The following C7 variants were observed in gnomAD, a reference collection of about 807,000 sequenced individuals.
C7 encodes complement component C7.
In C7, 83 loss-of-function variants were observed where a neutral mutation model predicts 104.8. The ratio of observed to expected loss-of-function variants is 0.79; its 90% confidence interval spans 0.66 to 0.95. The LOEUF (loss-of-function observed/expected upper bound fraction) is 0.95, where lower values mean the gene tolerates loss of function less well. Ranked by LOEUF, C7 falls within the 40% of genes least tolerant of loss-of-function variation. The probability of loss-of-function intolerance (pLI) is 0.00; values close to 1 mark genes in which losing one functional copy is unlikely to be tolerated. For synonymous variants in C7, 415 were observed against 360.6 expected, an observed-to-expected ratio of 1.15 and a Z score of -1.71; for missense variants, 1,070 against 1,011.2, an observed-to-expected ratio of 1.06 and a Z score of -0.79.
At chr5:40,964,051 T>TTTTTTTG (rs1405498037) in intron 13 of C7, among the ~76,000 whole-genome samples, 1 of 87,950 alleles carries the variant, frequency 1.1e-5, no homozygotes, top group Non-Finnish European at 2.2e-5. Context: ...TTTTTTTTTT[T>TTTTTTTG]AGAGAGAGAG....
At chr5:40,954,938 A>C in intron 9 of C7, 1 of 240,772 alleles carries the variant, frequency 4.2e-6, no homozygotes, top group Non-Finnish European at 8.0e-6. Flanking sequence ...AATATAGCTT[A>C]GTTTTTAGAA....
chr5:40,931,350 T>C (rs538057084), intron 3 of C7, among the ~76,000 whole-genome samples: 1 of 152,360 alleles, frequency 6.6e-6, no homozygotes, highest in Non-Finnish European at 1.5e-5. Context: ...AACTTGTATA[T>C]TCATTTTTCT....
chr5:40,924,515 C>G (rs1245676380), intron 1 of C7, among the ~76,000 whole-genome samples: 1 of 152,210 alleles, frequency 6.6e-6, no homozygotes, highest in South Asian at 2.1e-4. Flanking sequence ...CACTAATTCA[C>G]TAGGCAGTAC....
At chr5:40,957,929 G>T (rs76966755) in intron 10 of C7, 104 bp from the exon 11 acceptor site, 5 of 668,684 alleles carry the variant, frequency 7.5e-6, no homozygotes, top group South Asian at 2.8e-5. Context: ...AAACTTGCCC[G>T]TGGCTTTTGA....
At chr5:40,939,623 A>G (rs1381706564) in intron 6 of C7, among the ~76,000 whole-genome samples, 1 of 152,244 alleles carries the variant, frequency 6.6e-6, no homozygotes, top group Non-Finnish European at 1.5e-5. Flanking sequence ...TAAGACAGGC[A>G]TATACAGATA....
chr5:40,924,935 C>T (rs558472461), intron 1 of C7, among the ~76,000 whole-genome samples: 1 of 152,204 alleles, frequency 6.6e-6, no homozygotes, highest in Non-Finnish European at 1.5e-5. Context: ...GGGGCTGCCT[C>T]AAAGATCTCT....
intron 7 of C7, among the ~76,000 whole-genome samples, chr5:40,945,846 A>G (rs1273734962): frequency 3.4e-5 from 5 of 147,644 alleles, no homozygotes; most frequent in Non-Finnish European, 6.0e-5. Flanking sequence ...CCTGGGCAAC[A>G]GAGTGAGACC....
intron 9 of C7, among the ~76,000 whole-genome samples, chr5:40,953,003 T>C (rs1740207088): frequency 6.6e-6 from 1 of 152,068 alleles, no homozygotes; most frequent in African/African-American, 2.4e-5. Flanking sequence ...ACTCATTCTC[T>C]CAGATATTCT....
chr5:40,964,799 A>G lies in C7; in HGVS notation c.1808A>G (p.Tyr603Cys). The G allele has an allele frequency of 1.9e-6, 3 of 1,613,040 alleles. No individual in the cohort carries two copies. The highest frequency in any genetic ancestry group is 2.5e-6 in the Non-Finnish European group (3 of 1,179,204). The change falls in exon 14 of 18, where the codon TAC becomes TGC. Residue 603 changes from tyrosine (Y) to cysteine (C), a missense_variant. By Grantham distance (194) the Tyr-to-Cys change is radical. Coordinates refer to ENST00000313164, the MANE Select transcript of C7 (RefSeq NM_000587.4). ...KNVVYTCNEG[Y>C]SLIGNPVARC... ...GTAGTGTACACTTGCAATGAAGGATACTCTCTTATTGGAAACCCAGTGGCC... is the reference window on the plus strand; with the variant it reads ...GTAGTGTACACTTGCAATGAAGGATGCTCTCTTATTGGAAACCCAGTGGCC...
intron 1 of C7, among the ~76,000 whole-genome samples, chr5:40,915,772 A>C (rs1027217399): frequency 6.6e-6 from 1 of 152,192 alleles, no homozygotes; most frequent in African/African-American, 2.4e-5. Context: ...ATAGGCTTAA[A>C]CATTTTTAGA....
At chr5:40,961,387 CTTCT>C (rs1487255996) in intron 12 of C7, among the ~76,000 whole-genome samples, 1 of 140,164 alleles carries the variant, frequency 7.1e-6, no homozygotes, top group African/African-American at 2.7e-5. Context: ...TAATTACCTT[CTTCT>C]TTTTTTTTTT....
chr5:40,973,062 T>C (rs1195008494), intron 15 of C7, among the ~76,000 whole-genome samples: 1 of 152,234 alleles, frequency 6.6e-6, no homozygotes, highest in Non-Finnish European at 1.5e-5. Context: ...CATTTTCATT[T>C]AACACTTTAA....
rs1740830839 is a variant in C7, at chr5:40,976,860, A to T, written c.2165+20A>T. The T allele has an allele frequency of 6.5e-7, 1 of 1,543,328 alleles. No individual in the cohort carries two copies. Among genetic ancestry groups the T allele is most frequent in the African/African-American group, 1.4e-5 (1 of 73,142 alleles). On this transcript the variant is annotated intron_variant, in intron 16 of 17. Transcript: ENST00000313164. ...ATGTGGGTAAGTGCCGCCTTTGCTC[A>T]TTTCTCTGTTTTATTTTATTAATGA...
intron 4 of C7, among the ~76,000 whole-genome samples, chr5:40,935,113 C>G (rs1739785349): frequency 6.6e-6 from 1 of 152,148 alleles, no homozygotes; most frequent in South Asian, 2.1e-4. Context: ...AGAAGTGCTC[C>G]TCAGTGATAC....
intron 7 of C7, among the ~76,000 whole-genome samples, chr5:40,947,098 T>G (rs1317931326): frequency 8.4e-4 from 22 of 26,254 alleles, no homozygotes; most frequent in Middle Eastern, 0.022. Flanking sequence ...ATTACTCAGA[T>G]TTTTTTTTTT....
At chr5:40,933,775 C>T (rs938352492) in intron 3 of C7, among the ~76,000 whole-genome samples, 6 of 152,160 alleles carry the variant, frequency 3.9e-5, no homozygotes, top group African/African-American at 1.2e-4. Flanking sequence ...TCATCTTAAC[C>T]CCTTTCCCAG....
intron 4 of C7, among the ~76,000 whole-genome samples, chr5:40,935,727 A>T (rs1172659736): frequency 1.3e-5 from 2 of 152,122 alleles, no homozygotes; most frequent in African/African-American, 2.4e-5. Flanking sequence ...CAGGAACTAG[A>T]TCATCTGGTA....
At chr5:40,981,159 A>T (rs190218409) in intron 17 of C7, among the ~76,000 whole-genome samples, 4 of 152,300 alleles carry the variant, frequency 2.6e-5, no homozygotes, top group African/African-American at 9.6e-5. Flanking sequence ...AAACCACCCC[A>T]TGTGGTCTAA....
At position 40,949,882 on chromosome 5, in the gene C7, T is replaced by G. The variant is rs756601853; in HGVS notation, c.983-22T>G. ...AAGGAATGCAGAAATTAAACATGTC[T>G]CTTTTACATTTTCTCCCCTAGATTT... is the stretch of plus-strand genomic sequence containing the variant. On this transcript the variant is annotated intron_variant, in intron 8 of 17. Coordinates refer to ENST00000313164, the MANE Select transcript of C7 (RefSeq NM_000587.4). The G allele has an allele frequency of 5.7e-6, 8 of 1,398,972 alleles. No homozygotes were observed. In the African/African-American group the frequency reaches 1.1e-4, roughly 20 times the overall value. The allele number at this position is 1,398,972 out of a possible 1,614,324, so 86.7% of individuals were successfully genotyped here.
Sources: gnomAD v4.1 joint callset for allele counts (sites outside exome capture counted in the v4.1 genomes callset) on GRCh38, gnomAD v4.1.1 for gene constraint, MANE v1.5 for transcripts, NCBI Gene and HGNC (gene_info 2026-07-23, HGNC 2026-07-21) for gene names.